CCDC152: variants seen among roughly 807,000 people sequenced by gnomAD.
The protein encoded by CCDC152 is coiled-coil domain containing 152.
A neutral mutation model predicts 38.1 loss-of-function variants in CCDC152; 37 were observed. The observed-to-expected ratio is 0.97, with a 90% CI of 0.75 to 1.28. CCDC152 has a LOEUF of 1.28. CCDC152 is among the 50% of genes most tolerant of loss of function. The pLI, the probability that CCDC152 is intolerant of heterozygous loss-of-function variation, is 0.00. For synonymous variants in CCDC152, 83 were observed against 87.1 expected (o/e 0.95, Z 0.26); for missense variants, 259 against 292.1 (o/e 0.89, Z 0.83).
chr5:42,794,510 T>C (rs1387970932), intron 6 of CCDC152, among the ~76,000 whole-genome samples: 2 of 152,218 alleles, frequency 1.3e-5, no homozygotes, highest in Non-Finnish European at 2.9e-5. Flanking sequence ...GGGCTCTACA[T>C]TGACCTTCAA....
intron 6 of CCDC152, among the ~76,000 whole-genome samples, chr5:42,790,702 T>C (rs769232768): frequency 9.9e-5 from 15 of 151,688 alleles, no homozygotes; most frequent in Admixed American, 2.0e-4. Flanking sequence ...AAGTGTTAGA[T>C]TGTAACATTT....
chr5:42,761,623 GA>G (rs1412348844), intron 2 of CCDC152, among the ~76,000 whole-genome samples: 4 of 151,464 alleles, frequency 2.6e-5, no homozygotes, highest in East Asian at 3.9e-4. Context: ...TCAAAAAAAA[GA>G]AAAAAAAGAA....
chr5:42,779,774 T>G (rs1408033391), intron 5 of CCDC152, among the ~76,000 whole-genome samples: 2 of 152,108 alleles, frequency 1.3e-5, no homozygotes, highest in East Asian at 3.8e-4. Flanking sequence ...TTACTTTTTC[T>G]TTCTACCAAA....
intron 2 of CCDC152, among the ~76,000 whole-genome samples, chr5:42,761,778 A>T (rs1561271380): frequency 6.6e-6 from 1 of 152,220 alleles, no homozygotes; most frequent in African/African-American, 2.4e-5. Context: ...TATATAAGGA[A>T]TTGTTAACCA....
intron 6 of CCDC152, among the ~76,000 whole-genome samples, chr5:42,786,358 G>A (rs1759921581): frequency 6.6e-6 from 1 of 151,974 alleles, no homozygotes; most frequent in African/African-American, 2.4e-5. Context: ...AATCTCTGGA[G>A]GTTGTATGTT....
At chr5:42,771,591 A>G (rs1056079727) in intron 4 of CCDC152, among the ~76,000 whole-genome samples, 5 of 152,082 alleles carry the variant, frequency 3.3e-5, no homozygotes, top group African/African-American at 1.2e-4. Context: ...AGACGATACA[A>G]CTGAAATCCT....
intron 6 of CCDC152, among the ~76,000 whole-genome samples, chr5:42,791,907 C>T (rs1353258200): frequency 6.6e-6 from 1 of 152,164 alleles, no homozygotes; most frequent in East Asian, 1.9e-4. Context: ...CTTGCAGATA[C>T]TTTTAGATAT....
chr5:42,772,136 G>A (rs777158726), intron 4 of CCDC152, among the ~76,000 whole-genome samples: 7 of 152,148 alleles, frequency 4.6e-5, no homozygotes, highest in Non-Finnish European at 7.4e-5. Flanking sequence ...GATACACCAT[G>A]TGTTTTCTAT....
rs1760169050 is a variant in CCDC152 at position 42,800,771 on chromosome 5, G to A, written c.*990G>A. ...TTGCCTGATTCTTTCAGCGTCAACTGGCACTGGCTTCTGTGGGTATAAGCT... is the reference window on the plus strand; with the variant it reads ...TTGCCTGATTCTTTCAGCGTCAACTAGCACTGGCTTCTGTGGGTATAAGCT... On this transcript the variant is annotated 3_prime_UTR_variant, in exon 9 of 9. Transcript: ENST00000361970. The A allele has an allele frequency of 6.2e-7, 1 of 1,612,740 alleles. No homozygotes were observed. Among genetic ancestry groups the A allele is most frequent in the African/African-American group, 1.3e-5 (1 of 74,896 alleles).
In CCDC152 at chr5:42,782,132, T is replaced by TA. The variant is rs1210546335; in HGVS notation, c.328-1339dup. 4.6e-5 allele frequency among the ~76,000 whole-genome samples: 7 copies of TA among 152,306 alleles called. No homozygotes were observed. In the East Asian group the frequency reaches 1.4e-3, roughly 29 times the overall value. On this transcript the variant is annotated intron_variant, in intron 5 of 8. Coordinates refer to ENST00000361970, the MANE Select transcript of CCDC152 (RefSeq NM_001134848.2). ...TCATCTTTCTCTCTATGCCTCCTCA[T>TA]AAAGCATACACTTACCATGGGTAAT...
At chr5:42,782,568 T>G (rs1183401847) in intron 5 of CCDC152, among the ~76,000 whole-genome samples, 1 of 151,986 alleles carries the variant, frequency 6.6e-6, no homozygotes, top group Non-Finnish European at 1.5e-5. Context: ...ATAAAAAATT[T>G]TAGTTGGAAA....
intron 5 of CCDC152, 107 bp downstream of exon 5, chr5:42,779,629 G>C: frequency 1.6e-6 from 1 of 629,112 alleles, no homozygotes. Flanking sequence ...CCAAATGTTT[G>C]TGGGTGTGTG....
chr5:42,768,229 T>A (rs1442030122), intron 3 of CCDC152, among the ~76,000 whole-genome samples: 1 of 152,214 alleles, frequency 6.6e-6, no homozygotes, highest in East Asian at 1.9e-4. Context: ...AAAACATATG[T>A]TATTTTCATA....
chr5:42,760,860 G>C (rs1366765053), intron 2 of CCDC152, among the ~76,000 whole-genome samples: 1 of 152,158 alleles, frequency 6.6e-6, no homozygotes, highest in East Asian at 1.9e-4. Context: ...TTTTTGGTGG[G>C]AAAGGAGTTA....
chr5:42,796,221 C>A (rs1760073759), intron 6 of CCDC152, among the ~76,000 whole-genome samples: 1 of 149,958 alleles, frequency 6.7e-6, no homozygotes, highest in Non-Finnish European at 1.5e-5. Context: ...TGCACATGTA[C>A]CCTAAAACTT....
At chr5:42,794,785 A>C (rs1416904928) in intron 6 of CCDC152, among the ~76,000 whole-genome samples, 5 of 152,212 alleles carry the variant, frequency 3.3e-5, no homozygotes, top group African/African-American at 1.2e-4. Context: ...ATGGAGTTAA[A>C]ATGTTTTTAA....
Position 42,799,384 on chromosome 5 carries a change from A to C in CCDC152, c.568A>C (p.Lys190Gln). 1 of 1,531,452 alleles carries C rather than the reference A, an allele frequency of 6.5e-7. No homozygotes were observed. The highest frequency in any genetic ancestry group is 8.8e-7 in the Non-Finnish European group (1 of 1,135,394). The allele number at this position is 1,531,452 out of a possible 1,614,324, so 94.9% of individuals were successfully genotyped here. The part of the protein sequence containing the change: ...IIKLQLEFDA[K>Q]LARVQTKSKS... ...TTTCAATTTGATTCAGTTTGATGCC[A>C]AACTAGCAAGAGTTCAGACTAAATC... is the stretch of plus-strand genomic sequence containing the variant. Residue 190 changes from lysine to glutamine, a missense_variant, in exon 8 of 9, where the codon AAA becomes CAA. By Grantham distance (53) the Lys-to-Gln change is moderately conservative. Transcript: ENST00000361970.
chr5:42,764,158 TC>T lies in CCDC152; in HGVS notation c.193+1613del, dbSNP rs534027528. On this transcript the variant is annotated intron_variant, in intron 3 of 8. Transcript: ENST00000361970. ...CAGGCATGGTGGCTCACACCTGTAA[TC>T]CCAGCACTTTTGGAGGCCGAGGAGG... 4.6e-5 allele frequency among the ~76,000 whole-genome samples: 7 copies of T among 152,236 alleles called. No individual in the cohort carries two copies. In the East Asian group the frequency reaches 1.3e-3, roughly 29 times the overall value.
Position 42,787,014 on chromosome 5 carries a change from G to A in CCDC152, c.430+3438G>A, listed in dbSNP as rs149952876. 7.2e-4 allele frequency among the ~76,000 whole-genome samples: 109 copies of A among 151,944 alleles called. No homozygotes were observed. The East Asian group carries it at 0.017, about 24-fold the overall frequency. On this transcript the variant is annotated intron_variant, in intron 6 of 8. Coordinates refer to ENST00000361970, the MANE Select transcript of CCDC152 (RefSeq NM_001134848.2). ...TTATTCCATTATGGTCCACATATAC[G>A]TTTGATATAATTTTATTTAAAAAAT...
Sources: gnomAD v4.1 joint callset for allele counts (sites outside exome capture counted in the v4.1 genomes callset) on GRCh38, gnomAD v4.1.1 for gene constraint, MANE v1.5 for transcripts, NCBI Gene and HGNC (gene_info 2026-07-23, HGNC 2026-07-21) for gene names.